Variants in ADAMTS6 observed in about 807,000 individuals in gnomAD.
ADAMTS6 encodes A disintegrin and metalloproteinase with thrombospondin motifs 6.
In ADAMTS6, 23 loss-of-function variants were observed where a neutral mutation model predicts 144.3. The ratio of observed to expected loss-of-function variants is 0.16; its 90% CI spans 0.11 to 0.23. The LOEUF is 0.23. Among genes scored for constraint, ADAMTS6 ranks in the 10% least tolerant of loss-of-function variants. The pLI is 1.00. For synonymous variants in ADAMTS6, 444 were observed against 457.5 expected, an observed-to-expected ratio of 0.97 and a Z score of 0.38; for missense variants, 999 against 1,379.6, an observed-to-expected ratio of 0.72 and a Z score of 4.37.
chr5:65,319,660 A>C (rs1168045503), intron 9 of ADAMTS6, among the ~76,000 whole-genome samples: 1 of 128,712 alleles, frequency 7.8e-6, no homozygotes, highest in Non-Finnish European at 1.7e-5. Flanking sequence ...CTCAAAAACA[A>C]AAAAAAAAGG....
chr5:65,383,710 C>T (rs1752243205), intron 7 of ADAMTS6, among the ~76,000 whole-genome samples: 3 of 152,114 alleles, frequency 2.0e-5, no homozygotes, highest in Non-Finnish European at 4.4e-5. Flanking sequence ...GCATTCCCAC[C>T]CCCACAGCTC....
chr5:65,207,946 A>T (rs1030000741), intron 20 of ADAMTS6, among the ~76,000 whole-genome samples: 1 of 152,238 alleles, frequency 6.6e-6, no homozygotes, highest in Non-Finnish European at 1.5e-5. Flanking sequence ...CATTAATTGG[A>T]TGTTTATAAA....
At chr5:65,384,699 C>T (rs1228886507) in intron 7 of ADAMTS6, among the ~76,000 whole-genome samples, 1 of 152,200 alleles carries the variant, frequency 6.6e-6, no homozygotes, top group Admixed American at 6.5e-5. Flanking sequence ...CCTTTCACAG[C>T]TATGTACCAC....
At chr5:65,183,261 A>G (rs1380104934) in intron 22 of ADAMTS6, among the ~76,000 whole-genome samples, 1 of 152,186 alleles carries the variant, frequency 6.6e-6, no homozygotes, top group African/African-American at 2.4e-5. Context: ...ATAAATACAG[A>G]ATCCCTTCCT....
chr5:65,331,709 A>C (rs749870820), intron 8 of ADAMTS6, among the ~76,000 whole-genome samples: 1 of 152,026 alleles, frequency 6.6e-6, no homozygotes, highest in Non-Finnish European at 1.5e-5. Context: ...TGGTCATCAG[A>C]ATTATTAAGC....
chr5:65,275,441 AAAG>A (rs1387226381), intron 11 of ADAMTS6, among the ~76,000 whole-genome samples: 1 of 150,348 alleles, frequency 6.7e-6, no homozygotes, highest in African/African-American at 2.4e-5. Flanking sequence ...AGAAAAGAAA[AAAG>A]AAAGAGAAAG....
At chr5:65,426,314 C>A (rs1291577638) in intron 7 of ADAMTS6, among the ~76,000 whole-genome samples, 1 of 151,220 alleles carries the variant, frequency 6.6e-6, no homozygotes, top group East Asian at 1.9e-4. Context: ...CCACCTTGGC[C>A]TCCCAAAGTG....
At chr5:65,445,569 C>T (rs371044692) in intron 7 of ADAMTS6, among the ~76,000 whole-genome samples, 3 of 152,036 alleles carry the variant, frequency 2.0e-5, no homozygotes, top group South Asian at 4.1e-4. Context: ...CTTGAACTCC[C>T]GACCTCAAGT....
chr5:65,352,950 T>C (rs1252571976), intron 7 of ADAMTS6, among the ~76,000 whole-genome samples: 1 of 152,082 alleles, frequency 6.6e-6, no homozygotes, highest in Non-Finnish European at 1.5e-5. Flanking sequence ...TCCAGCACTA[T>C]GTTCCTTCTC....
intron 10 of ADAMTS6, among the ~76,000 whole-genome samples, chr5:65,294,911 CTAAT>C (rs1480062882): frequency 3.3e-5 from 5 of 149,466 alleles, no homozygotes; most frequent in African/African-American, 1.3e-4. Flanking sequence ...ATTTTACTGT[CTAAT>C]TATTCATCTG....
intron 15 of ADAMTS6, among the ~76,000 whole-genome samples, chr5:65,232,736 C>A (rs13189458): frequency 2.0e-5 from 3 of 150,320 alleles, no homozygotes; most frequent in South Asian, 2.1e-4. Context: ...AAGTGCGATA[C>A]CTTATACTTC....
chr5:65,170,023 A>G (rs879881144), intron 24 of ADAMTS6, among the ~76,000 whole-genome samples: 1 of 152,156 alleles, frequency 6.6e-6, no homozygotes, highest in Non-Finnish European at 1.5e-5. Flanking sequence ...GTACCCTAAA[A>G]CTTAAAGTAT....
intron 20 of ADAMTS6, among the ~76,000 whole-genome samples, chr5:65,213,021 T>C (rs937766106): frequency 6.6e-6 from 1 of 152,202 alleles, no homozygotes; most frequent in Non-Finnish European, 1.5e-5. Flanking sequence ...AAGATAGATA[T>C]ATGTATAAAT....
intron 15 of ADAMTS6, among the ~76,000 whole-genome samples, chr5:65,227,799 C>T (rs557228485): frequency 1.3e-5 from 2 of 151,996 alleles, no homozygotes; most frequent in South Asian, 4.1e-4. Flanking sequence ...TTTTTTCCAT[C>T]TAAACTCTTC....
At chr5:65,222,978 T>A (rs1757436582) in intron 18 of ADAMTS6, among the ~76,000 whole-genome samples, 1 of 151,032 alleles carries the variant, frequency 6.6e-6, no homozygotes, top group African/African-American at 2.4e-5. Context: ...TATAAAGAAC[T>A]CATAACTCAA....
At chr5:65,462,088 T>C (rs956462701) in intron 3 of ADAMTS6, among the ~76,000 whole-genome samples, 4 of 152,176 alleles carry the variant, frequency 2.6e-5, no homozygotes, top group Non-Finnish European at 4.4e-5. Context: ...TTAAGGAAAA[T>C]AGTCCCTATA....
intron 11 of ADAMTS6, among the ~76,000 whole-genome samples, chr5:65,279,976 A>G (rs1394381865): frequency 6.6e-6 from 1 of 152,174 alleles, no homozygotes; most frequent in Non-Finnish European, 1.5e-5. Context: ...GTAGAAGTGC[A>G]CCTTCATTTA....
intron 18 of ADAMTS6, among the ~76,000 whole-genome samples, chr5:65,215,826 T>C (rs977950405): frequency 6.6e-5 from 10 of 152,006 alleles, no homozygotes; most frequent in African/African-American, 2.4e-4. Context: ...AATACTGAAA[T>C]AGTAATTAAA....
chr5:65,160,410 C>T (rs184397483), intron 24 of ADAMTS6, among the ~76,000 whole-genome samples: 48 of 151,588 alleles, frequency 3.2e-4, no homozygotes, highest in African/African-American at 1.2e-3. Flanking sequence ...GGGTTCACGC[C>T]ATTCTCCAGC....
Sources: allele counts gnomAD v4.1 joint callset (sites outside exome capture counted in the v4.1 genomes callset), GRCh38; gene constraint gnomAD v4.1.1; transcripts MANE v1.5; gene names NCBI Gene and HGNC (gene_info 2026-07-23, HGNC 2026-07-21).